IFTAP: variants seen among roughly 807,000 people sequenced by gnomAD.
The protein encoded by IFTAP is intraflagellar transport associated protein, also known as intraflagellar transport-associated protein.
IFTAP carries 19 observed loss-of-function variants against 19.4 expected under a neutral mutation model. The ratio of observed to expected loss-of-function variants is 0.98; its 90% confidence interval spans 0.68 to 1.44. The LOEUF is 1.44. Among genes scored for constraint, IFTAP ranks in the 40% most tolerant of loss-of-function variants. The pLI, the probability that IFTAP is intolerant of heterozygous loss-of-function variation, is 0.00. For missense variants in IFTAP, 240 were observed against 253.6 expected (o/e 0.95, Z 0.36); for synonymous variants, 85 against 83.5 (o/e 1.02, Z -0.10).
intron 4 of IFTAP, among the ~76,000 whole-genome samples, chr11:36,646,153 C>T (rs1853472805): frequency 5.3e-5 from 8 of 152,174 alleles, no homozygotes; most frequent in Admixed American, 5.2e-4. Flanking sequence ...AGTGAAGTTT[C>T]AGTAAAGAAA....
chr11:36,631,006 A>C (rs372956459), intron 2 of IFTAP, among the ~76,000 whole-genome samples: 1 of 151,370 alleles, frequency 6.6e-6, no homozygotes, highest in African/African-American at 2.5e-5. Flanking sequence ...CTGATACAGG[A>C]CATCTCTGTG....
At chr11:36,640,437 A>G (rs1246322381) in intron 4 of IFTAP, among the ~76,000 whole-genome samples, 4 of 152,238 alleles carry the variant, frequency 2.6e-5, no homozygotes, top group African/African-American at 4.8e-5. Context: ...GTGTCAAAAT[A>G]GTAAGTGTTC....
chr11:36,658,899 C>G, intron 5 of IFTAP, 120 bp from the exon 6 acceptor site: 1 of 663,282 alleles, frequency 1.5e-6, no homozygotes, highest in Non-Finnish European at 2.3e-6. Context: ...GCTTAATCAG[C>G]TGAGAGTGCT....
In IFTAP at chr11:36,640,423, T is replaced by A. The variant is rs146956041; in HGVS notation, c.358+4306T>A. Reference sequence around the variant, plus strand: ...CTTAAGTATACCTCTTTTTAATGATTTTTGTGTCAAAATAGTAAGTGTTCA... The same window carrying A: ...CTTAAGTATACCTCTTTTTAATGATATTTGTGTCAAAATAGTAAGTGTTCA... On this transcript the variant is annotated intron_variant, in intron 4 of 5. Transcript: ENST00000334307. Among the ~76,000 whole-genome samples, 314 of 152,376 alleles carry A rather than the reference T, an allele frequency of 2.1e-3. 1 individual carries two copies. The highest frequency in any genetic ancestry group is 3.4e-3 in the Non-Finnish European group (228 of 68,040).
chr11:36,631,977 C>T (rs1852746686), intron 2 of IFTAP, among the ~76,000 whole-genome samples: 4 of 151,158 alleles, frequency 2.6e-5, no homozygotes, highest in African/African-American at 4.9e-5. Flanking sequence ...CTTCTATTCT[C>T]TAAAGACCTT....
At chr11:36,654,025 A>C (rs1565034355) in intron 5 of IFTAP, among the ~76,000 whole-genome samples, 1 of 152,132 alleles carries the variant, frequency 6.6e-6, no homozygotes, top group Non-Finnish European at 1.5e-5. Flanking sequence ...AAACAAGGAA[A>C]ACAAGCTTCC....
At chr11:36,657,183 C>T (rs1331445147) in intron 5 of IFTAP, among the ~76,000 whole-genome samples, 3 of 152,178 alleles carry the variant, frequency 2.0e-5, no homozygotes, top group African/African-American at 7.2e-5. Context: ...CAGCTAGAAT[C>T]GGCTCCAGAT....
intron 2 of IFTAP, among the ~76,000 whole-genome samples, chr11:36,624,969 A>T (rs1028777130): frequency 6.6e-6 from 1 of 152,210 alleles, no homozygotes; most frequent in Non-Finnish European, 1.5e-5. Flanking sequence ...CAGTTAACTA[A>T]TAAAGTCAGA....
intron 4 of IFTAP, among the ~76,000 whole-genome samples, chr11:36,642,450 C>A (rs1399425372): frequency 1.3e-5 from 2 of 152,130 alleles, no homozygotes; most frequent in African/African-American, 4.8e-5. Context: ...TGGTACCATT[C>A]CTTCTGAAAC....
chr11:36,626,984 C>T (rs1852539809), intron 2 of IFTAP, among the ~76,000 whole-genome samples: 1 of 151,142 alleles, frequency 6.6e-6, no homozygotes, highest in East Asian at 1.9e-4. Flanking sequence ...AAATGTGGTA[C>T]TATTCATACA....
rs34399300 is a variant in IFTAP at position 36,622,090 on chromosome 11, A to AT, written c.137-11183dup. Among the ~76,000 whole-genome samples, 804 of 111,180 alleles carry AT rather than the reference A, an allele frequency of 7.2e-3. 11 individuals are homozygous for AT. The highest frequency in any genetic ancestry group is 0.032 in the South Asian group (86 of 2,666). 72.9% of individuals were successfully genotyped at this position (111,180 alleles called of 152,430 possible). Reference sequence around the variant, plus strand: ...ACTTTAAGCTCTTGTTCTATTTTTTATTTTTTTTTTTGTGAAGGCTCTCCT... The same window carrying AT: ...ACTTTAAGCTCTTGTTCTATTTTTTATTTTTTTTTTTTGTGAAGGCTCTCCT... On this transcript the variant is annotated intron_variant, in intron 2 of 5. Transcript: ENST00000334307.
intron 4 of IFTAP, among the ~76,000 whole-genome samples, chr11:36,642,221 A>G (rs1436361949): frequency 1.3e-5 from 2 of 152,236 alleles, no homozygotes; most frequent in Non-Finnish European, 2.9e-5. Context: ...AGAGAATACT[A>G]TAAACACCTC....
In IFTAP at chr11:36,659,163, G is replaced by T; in HGVS notation, c.643G>T (p.Asp215Tyr). 6.3e-7 allele frequency: 1 copy of T among 1,589,502 alleles called. No homozygotes were observed. Residue 215 changes from aspartate to tyrosine, a missense_variant, in exon 6 of 6, where the codon GAC (aspartate) becomes TAC (tyrosine). Physicochemically the swap from Asp to Tyr is radical, Grantham distance 160. Coordinates refer to ENST00000334307, the MANE Select transcript of IFTAP (RefSeq NM_138787.4). ...KQQKRKDTSPDLEKSCD is the reference protein window; with the variant it reads ...KQQKRKDTSPYLEKSCD Reference sequence around the variant, plus strand: ...GCAGAAGAGAAAGGACACCAGCCCAGACTTAGAGAAATCCTGTGACTGATT... The same window carrying T: ...GCAGAAGAGAAAGGACACCAGCCCATACTTAGAGAAATCCTGTGACTGATT...
chr11:36,613,364 C>T (rs563331505), intron 2 of IFTAP, among the ~76,000 whole-genome samples: 1 of 151,948 alleles, frequency 6.6e-6, no homozygotes, highest in Non-Finnish European at 1.5e-5. Context: ...TATAGAAACA[C>T]TGATGTGAAT....
At chr11:36,637,315 A>G (rs528926490) in intron 4 of IFTAP, among the ~76,000 whole-genome samples, 3 of 152,348 alleles carry the variant, frequency 2.0e-5, no homozygotes, top group South Asian at 2.1e-4. Flanking sequence ...CAAGCACACT[A>G]TTAACCAGCA....
intron 2 of IFTAP, among the ~76,000 whole-genome samples, chr11:36,613,104 A>T (rs1851935159): frequency 6.6e-6 from 1 of 152,122 alleles, no homozygotes; most frequent in Non-Finnish European, 1.5e-5. Context: ...TAGCACCTTC[A>T]GTTCAGGAGG....
chr11:36,652,060 T>C (rs528007660), intron 5 of IFTAP, among the ~76,000 whole-genome samples: 13 of 152,278 alleles, frequency 8.5e-5, no homozygotes, highest in Middle Eastern at 3.4e-3. Context: ...CATATGAACT[T>C]TAAAGTAGTT....
chr11:36,603,528 G>C (rs1851582042), intron 1 of IFTAP, among the ~76,000 whole-genome samples: 1 of 152,140 alleles, frequency 6.6e-6, no homozygotes, highest in African/African-American at 2.4e-5. Context: ...GGCCCATGCA[G>C]CCTTGGTCCA....
At chr11:36,625,558 G>GCTAA (rs1852478731) in intron 2 of IFTAP, among the ~76,000 whole-genome samples, 2 of 152,044 alleles carry the variant, frequency 1.3e-5, no homozygotes, top group Non-Finnish European at 2.9e-5. Context: ...CTTTTTGTGG[G>GCTAA]ACATTTGAAT....
Sources: gnomAD v4.1 joint callset for allele counts (sites outside exome capture counted in the v4.1 genomes callset) on GRCh38, gnomAD v4.1.1 for gene constraint, MANE v1.5 for transcripts, NCBI Gene and HGNC (gene_info 2026-07-23, HGNC 2026-07-21) for gene names.